ALK: variants seen among roughly 807,000 people sequenced by gnomAD.
ALK encodes the protein ALK tyrosine kinase receptor.
ALK carries 74 observed loss-of-function variants against 163.1 expected under a neutral mutation model. The observed-to-expected ratio is 0.45, with a 90% confidence interval of 0.38 to 0.55. The LOEUF is 0.55. ALK is among the 20% of genes least tolerant of loss of function. ALK has a pLI of 0.00. For synonymous variants in ALK, 960 were observed against 843.2 expected, an observed-to-expected ratio of 1.14 and a Z score of -2.40; for missense variants, 2,063 against 2,105.3, an observed-to-expected ratio of 0.98 and a Z score of 0.39.
intron 4 of ALK, among the ~76,000 whole-genome samples, chr2:29,394,505 C>T (rs181926326): frequency 2.9e-3 from 437 of 152,226 alleles, no homozygotes; most frequent in African/African-American, 9.3e-3. Context: ...TGGGGAGGGA[C>T]CCAGCTGAAT....
At chr2:29,309,348 A>G (rs1404795870) in intron 8 of ALK, among the ~76,000 whole-genome samples, 2 of 152,156 alleles carry the variant, frequency 1.3e-5, no homozygotes, top group African/African-American at 4.8e-5. Flanking sequence ...TTTGAATGGG[A>G]ACCAAGTCTG....
At chr2:29,807,699 G>T (rs1212020706) in intron 1 of ALK, among the ~76,000 whole-genome samples, 5 of 152,204 alleles carry the variant, frequency 3.3e-5, no homozygotes, top group African/African-American at 1.2e-4. Flanking sequence ...ATGGATAATA[G>T]ATGAAGTAAT....
intron 3 of ALK, among the ~76,000 whole-genome samples, chr2:29,619,665 G>A (rs1675971422): frequency 6.6e-6 from 1 of 152,204 alleles, no homozygotes; most frequent in African/African-American, 2.4e-5. Context: ...TGGATCGTAT[G>A]CTGTGTCCCA....
At chr2:29,638,142 T>C (rs1010205327) in intron 3 of ALK, among the ~76,000 whole-genome samples, 1 of 152,202 alleles carries the variant, frequency 6.6e-6, no homozygotes, top group Non-Finnish European at 1.5e-5. Flanking sequence ...ATAGCCATTT[T>C]TGGCATCTCA....
chr2:29,717,789 G>C (rs1454645832), intron 1 of ALK, 92 bp from the exon 2 acceptor site: 1 of 1,566,194 alleles, frequency 6.4e-7, no homozygotes, highest in African/African-American at 1.4e-5. Context: ...AAGTTTATAA[G>C]GGGCTTTCAT....
chr2:29,733,531 C>T (rs766592050), intron 1 of ALK, among the ~76,000 whole-genome samples: 3 of 152,212 alleles, frequency 2.0e-5, no homozygotes, highest in African/African-American at 7.2e-5. Context: ...CTTTCCTGTT[C>T]TGTGACATGG....
intron 4 of ALK, among the ~76,000 whole-genome samples, chr2:29,391,404 G>A (rs142322977): frequency 3.3e-5 from 5 of 151,852 alleles, no homozygotes; most frequent in Admixed American, 6.6e-5. Flanking sequence ...TGGCTCAAGC[G>A]ATTCTCATGC....
Position 29,920,066 on chromosome 2 carries a change from C to T in ALK, c.594G>A (p.Val198=), listed in dbSNP as rs1030937777. ...RLMPEKKASE[V]GREGRLSAAI... is the part of the protein sequence containing the mutation. ...CCGCGGACAGCCTTCCCTCTCTGCC[C>T]ACTTCCGACGCCTTCTTCTCGGGCA... The change falls in exon 1 of 29, where the codon GTG becomes GTA. Residue 198 remains valine, a synonymous_variant. Transcript: ENST00000389048. The T allele has an allele frequency of 1.2e-6, 2 of 1,614,222 alleles. No individual in the cohort carries two copies.
chr2:29,646,569 T>C (rs1293321673), intron 3 of ALK, among the ~76,000 whole-genome samples: 1 of 152,164 alleles, frequency 6.6e-6, no homozygotes, highest in African/African-American at 2.4e-5. Context: ...GAAGCCTCTT[T>C]GACCTCATCT....
chr2:29,314,803 T>C (rs1348430826), intron 8 of ALK, among the ~76,000 whole-genome samples: 2 of 152,104 alleles, frequency 1.3e-5, no homozygotes, highest in African/African-American at 4.8e-5. Context: ...CGGGGCTTGT[T>C]GAGACATTCA....
At chr2:29,216,835 G>A (rs1182317781) in intron 23 of ALK, among the ~76,000 whole-genome samples, 1 of 150,184 alleles carries the variant, frequency 6.7e-6, no homozygotes, top group African/African-American at 2.4e-5. Flanking sequence ...GTGTGTATAT[G>A]TGCAGTATAT....
intron 3 of ALK, among the ~76,000 whole-genome samples, chr2:29,549,020 AGAGGAGGAGAAGGAGGAG>A (rs1253915960): frequency 6.6e-6 from 1 of 151,466 alleles, no homozygotes; most frequent in Non-Finnish European, 1.5e-5. Context: ...CACTAAACAG[AGAGGAGGAGAAGGAGGAG>A]GAGGAGAAGA....
chr2:29,830,362 G>A (rs1046872079), intron 1 of ALK, among the ~76,000 whole-genome samples: 10 of 152,246 alleles, frequency 6.6e-5, no homozygotes, highest in African/African-American at 2.2e-4. Context: ...CCTGGGCATA[G>A]CCTAGTATTC....
At chr2:29,741,187 T>G (rs1283735715) in intron 1 of ALK, among the ~76,000 whole-genome samples, 2 of 151,916 alleles carry the variant, frequency 1.3e-5, no homozygotes, top group Admixed American at 1.3e-4. Context: ...TTGCTAGGGG[T>G]TAGGAGTAGG....
intron 3 of ALK, among the ~76,000 whole-genome samples, chr2:29,579,723 T>C (rs1260162868): frequency 2.6e-5 from 4 of 152,088 alleles, no homozygotes; most frequent in Non-Finnish European, 4.4e-5. Context: ...TTCATTTGCT[T>C]CAGATGCCGG....
chr2:29,736,503 T>TA (rs1679896649), intron 1 of ALK, among the ~76,000 whole-genome samples: 1 of 152,032 alleles, frequency 6.6e-6, no homozygotes, highest in South Asian at 2.1e-4. Flanking sequence ...TTTAGTACAT[T>TA]AAAAAATGGA....
chr2:29,293,943 C>A (rs909790777), intron 9 of ALK, among the ~76,000 whole-genome samples: 1 of 152,110 alleles, frequency 6.6e-6, no homozygotes, highest in Admixed American at 6.5e-5. Context: ...GGTTGAGGAA[C>A]CTGGGAGCAG....
intron 1 of ALK, among the ~76,000 whole-genome samples, chr2:29,914,720 G>T (rs1035517286): frequency 2.2e-4 from 34 of 152,124 alleles, no homozygotes; most frequent in African/African-American, 6.5e-4. Context: ...CCTGGCTATT[G>T]CCCACCAAAT....
At chr2:29,324,372 G>T (rs1426451585) in intron 6 of ALK, among the ~76,000 whole-genome samples, 2 of 152,222 alleles carry the variant, frequency 1.3e-5, no homozygotes, top group Admixed American at 6.5e-5. Flanking sequence ...AAAATATAGA[G>T]TCATGGGAAA....
Sources: gnomAD v4.1 joint callset for allele counts (sites outside exome capture counted in the v4.1 genomes callset) on GRCh38, gnomAD v4.1.1 for gene constraint, MANE v1.5 for transcripts, NCBI Gene and HGNC (gene_info 2026-07-23, HGNC 2026-07-21) for gene names.